Variants in TMEM108 observed in about 807,000 individuals in gnomAD.
TMEM108 encodes transmembrane protein 108.
A neutral mutation model predicts 35.1 loss-of-function variants in TMEM108; 12 were observed. The observed-to-expected ratio is 0.34, with a 90% CI of 0.22 to 0.55. The LOEUF (loss-of-function observed/expected upper bound fraction) is 0.55. Among genes scored for constraint, TMEM108 ranks in the 20% least tolerant of loss-of-function variants. The probability of loss-of-function intolerance (pLI) is 0.89; values close to 1 mark genes in which losing one functional copy is unlikely to be tolerated. For synonymous variants in TMEM108, 287 were observed against 308.6 expected, an observed-to-expected ratio of 0.93 and a Z score of 0.73; for missense variants, 680 against 753.3, an observed-to-expected ratio of 0.90 and a Z score of 1.14.
intron 2 of TMEM108, among the ~76,000 whole-genome samples, chr3:133,081,054 T>G (rs959743986): frequency 6.6e-6 from 1 of 152,214 alleles, no homozygotes; most frequent in Non-Finnish European, 1.5e-5. Flanking sequence ...ATATAAAATG[T>G]GGATAATTAC....
intron 2 of TMEM108, among the ~76,000 whole-genome samples, chr3:133,161,381 G>A (rs1944959356): frequency 6.6e-6 from 1 of 152,088 alleles, no homozygotes; most frequent in Admixed American, 6.5e-5. Context: ...TTGTATATTT[G>A]TCTATTGTCT....
At chr3:133,121,850 G>T (rs1055965239) in intron 2 of TMEM108, among the ~76,000 whole-genome samples, 16 of 152,140 alleles carry the variant, frequency 1.1e-4, no homozygotes, top group African/African-American at 3.4e-4. Context: ...GGGATATGTG[G>T]AAATGAAAGG....
chr3:133,394,413 A>AC (rs1227863631), intron 5 of TMEM108, among the ~76,000 whole-genome samples: 13 of 148,990 alleles, frequency 8.7e-5, no homozygotes, highest in African/African-American at 3.2e-4. Context: ...TCTTTTTCCC[A>AC]CCTCCTCCTC....
At chr3:133,078,841 CTT>C (rs1374504023) in intron 2 of TMEM108, among the ~76,000 whole-genome samples, 1 of 152,146 alleles carries the variant, frequency 6.6e-6, no homozygotes, top group Non-Finnish European at 1.5e-5. Context: ...AGGAAAAAGA[CTT>C]TGAAGGGACT....
intron 3 of TMEM108, among the ~76,000 whole-genome samples, chr3:133,335,061 C>T (rs2107733048): frequency 6.6e-6 from 1 of 152,066 alleles, no homozygotes; most frequent in South Asian, 2.1e-4. Context: ...AGGAAAATAG[C>T]AGTACATATA....
At chr3:133,040,910 C>T (rs529225572) in intron 1 of TMEM108, among the ~76,000 whole-genome samples, 10 of 152,288 alleles carry the variant, frequency 6.6e-5, no homozygotes, top group African/African-American at 1.7e-4. Flanking sequence ...GATTAGAGTC[C>T]GACCTGCATG....
intron 2 of TMEM108, among the ~76,000 whole-genome samples, chr3:133,122,129 T>G (rs148904658): frequency 1.3e-5 from 2 of 152,288 alleles, no homozygotes; most frequent in East Asian, 3.9e-4. Flanking sequence ...GGCTTATGAT[T>G]TCTAATTTAG....
chr3:133,306,421 G>T (rs1241457899), intron 3 of TMEM108, among the ~76,000 whole-genome samples: 3 of 152,070 alleles, frequency 2.0e-5, no homozygotes, highest in African/African-American at 4.8e-5. Context: ...CAACGTGCAG[G>T]TATGTTCCAT....
intron 2 of TMEM108, among the ~76,000 whole-genome samples, chr3:133,056,911 C>A (rs1943471947): frequency 6.6e-6 from 1 of 152,182 alleles, no homozygotes; most frequent in African/African-American, 2.4e-5. Context: ...GCTCTGATTG[C>A]AAAGAATACC....
At chr3:133,110,419 T>C (rs1337685860) in intron 2 of TMEM108, among the ~76,000 whole-genome samples, 1 of 152,228 alleles carries the variant, frequency 6.6e-6, no homozygotes, top group Non-Finnish European at 1.5e-5. Flanking sequence ...GGTTATTTTC[T>C]ACACTCCTTT....
intron 3 of TMEM108, among the ~76,000 whole-genome samples, chr3:133,272,090 G>A (rs1246418263): frequency 3.3e-5 from 5 of 152,340 alleles, no homozygotes; most frequent in East Asian, 3.9e-4. Flanking sequence ...GTGCCTCACA[G>A]TTTCCTTAAG....
At chr3:133,175,920 G>A (rs1430485982) in intron 2 of TMEM108, among the ~76,000 whole-genome samples, 1 of 152,120 alleles carries the variant, frequency 6.6e-6, no homozygotes, top group African/African-American at 2.4e-5. Context: ...CTGTATTCAG[G>A]AAACCCATCT....
intron 2 of TMEM108, among the ~76,000 whole-genome samples, chr3:133,197,785 T>C (rs1945601156): frequency 6.6e-6 from 1 of 152,132 alleles, no homozygotes; most frequent in Non-Finnish European, 1.5e-5. Context: ...GGTACAGAGG[T>C]ATCTGCTACA....
chr3:133,259,939 G>C (rs1022117620), intron 3 of TMEM108, among the ~76,000 whole-genome samples: 3 of 152,172 alleles, frequency 2.0e-5, no homozygotes, highest in Non-Finnish European at 1.5e-5. Flanking sequence ...GTGAAGGCGT[G>C]TGGTAACAGA....
At chr3:133,334,088 C>T (rs1576462008) in intron 3 of TMEM108, among the ~76,000 whole-genome samples, 1 of 151,990 alleles carries the variant, frequency 6.6e-6, no homozygotes, top group East Asian at 1.9e-4. Flanking sequence ...AAGTGAGTTT[C>T]GTCAGTTAAT....
At chr3:133,371,984 C>G (rs2072690120) in intron 3 of TMEM108, among the ~76,000 whole-genome samples, 2 of 152,212 alleles carry the variant, frequency 1.3e-5, no homozygotes, top group East Asian at 3.9e-4. Context: ...TATAAGCACA[C>G]AAGGAGGGAT....
At chr3:133,138,507 A>ATT (rs879712854) in intron 2 of TMEM108, among the ~76,000 whole-genome samples, 1 of 150,566 alleles carries the variant, frequency 6.6e-6, no homozygotes, top group Non-Finnish European at 1.5e-5. Flanking sequence ...TTTGTGTGTG[A>ATT]TTTTTTTTTT....
At position 133,083,934 on chromosome 3, in the gene TMEM108, T is replaced by C. The variant is rs1307083596; in HGVS notation, c.-47+37914T>C. Among the ~76,000 whole-genome samples, 7 of 152,246 alleles carry C rather than the reference T, an allele frequency of 4.6e-5. No homozygotes were observed. In the South Asian group the frequency reaches 1.2e-3, roughly 27 times the overall value. On this transcript the variant is annotated intron_variant, in intron 2 of 5. Coordinates refer to ENST00000321871, the MANE Select transcript of TMEM108 (RefSeq NM_023943.4). ...ATATGTCATATTCCCTTAGTGTTCA[T>C]AGCTGAGACCTTCCATAAACTATTT...
intron 3 of TMEM108, among the ~76,000 whole-genome samples, chr3:133,354,175 C>G (rs1054014331): frequency 1.3e-5 from 2 of 152,200 alleles, no homozygotes; most frequent in African/African-American, 2.4e-5. Context: ...TATAAACCAC[C>G]TTGAAGCCTT....
Sources: allele counts gnomAD v4.1 joint callset (sites outside exome capture counted in the v4.1 genomes callset), GRCh38; gene constraint gnomAD v4.1.1; transcripts MANE v1.5; gene names NCBI Gene and HGNC (gene_info 2026-07-23, HGNC 2026-07-21).